Variants in CPSF1 observed in about 807,000 individuals in gnomAD.
The protein encoded by CPSF1 is cleavage and polyadenylation specific factor 1, also known as cleavage and polyadenylation specificity factor subunit 1.
In CPSF1, 106 loss-of-function variants were observed where a neutral mutation model predicts 175.8. The observed-to-expected ratio is 0.60, with a 90% CI of 0.52 to 0.71. The LOEUF is 0.71. Ranked by LOEUF, CPSF1 falls within the 30% of genes least tolerant of loss-of-function variation. CPSF1 has a pLI of 0.00. For synonymous variants in CPSF1, 1,024 were observed against 858.3 expected (o/e 1.19, Z -3.37); for missense variants, 1,734 against 2,022.9 (o/e 0.86, Z 2.74).
chr8:144,400,607 C>T, intron 7 of CPSF1, 64 bp downstream of exon 7: 2 of 1,595,254 alleles, frequency 1.3e-6, no homozygotes, highest in Non-Finnish European at 1.7e-6. Flanking sequence ...ACCCCATGGG[C>T]CCCACCCCAG....
chr8:144,400,135 G>GCCCCCCCCCCCCCCCCCCCC (rs1491238659), intron 9 of CPSF1, 31 bp downstream of exon 9: 230 of 896,322 alleles, frequency 2.6e-4, no homozygotes, highest in Non-Finnish European at 3.1e-4. Context: ...CCGTCCCCGG[G>GCCCCCCCCCCCCCCCCCCCC]CCCCCCCCGC....
rs1554863175 is a variant in CPSF1 at position 144,395,088 on chromosome 8, C to A, written c.3272+10G>T. The A allele has an allele frequency of 6.2e-7, 1 of 1,607,266 alleles. No homozygotes were observed. The highest frequency in any genetic ancestry group is 1.7e-4 in the Middle Eastern group (1 of 6,036). ...TTGGGCAGACCCCACCCCCGCCGGC[C>A]CAGCCTCACCTGGCATTGGGAATAG... On this transcript the variant is annotated intron_variant, in intron 29 of 37. Coordinates refer to ENST00000616140, the MANE Select transcript of CPSF1 (RefSeq NM_013291.3).
At position 144,393,695 on chromosome 8, in the gene CPSF1, G is replaced by A. The variant is rs2130746961; in HGVS notation, c.4117C>T (p.His1373Tyr). ...AAGGCGCGGGGGTTGAGGCCGGCGT[G>A]GTGTGGCAGCATGGTGGTCAGCGCG... Reference protein sequence around the residue: ...QNALTTMLPHHAGLNPRAFRM... With the variant: ...QNALTTMLPHYAGLNPRAFRM... The change falls in exon 36 of 38, where the codon CAC becomes TAC. Residue 1373 changes from histidine to tyrosine, a missense_variant. His to Tyr is a moderately conservative substitution (Grantham distance 83). Coordinates refer to ENST00000616140, the MANE Select transcript of CPSF1 (RefSeq NM_013291.3). The A allele has an allele frequency of 1.3e-6, 2 of 1,564,458 alleles. No individual in the cohort carries two copies. Among genetic ancestry groups the A allele is most frequent in the Non-Finnish European group, 1.7e-6 (2 of 1,161,810 alleles).
Position 144,394,720 on chromosome 8 carries a change from T to C in CPSF1, c.3491A>G (p.Tyr1164Cys). The C allele has an allele frequency of 6.2e-7, 1 of 1,613,460 alleles. No homozygotes were observed. Among genetic ancestry groups the C allele is most frequent in the Non-Finnish European group, 8.5e-7 (1 of 1,179,926 alleles). ...PLTKNKFKVLYEKEQKGPVTA... is the reference protein window; with the variant it reads ...PLTKNKFKVLCEKEQKGPVTA... ...CACGGGCCCCTTCTGCTCCTTCTCG[T>C]AAAGGACTTTGAACTTGTTCTTGGT... Residue 1164 changes from tyrosine to cysteine, a missense_variant, in exon 31 of 38, where the codon TAC becomes TGC. This residue lies in a region of CPSF1 where 62 missense variants were observed against 124.5 expected (regional missense o/e 0.50). Coordinates refer to ENST00000616140, the MANE Select transcript of CPSF1 (RefSeq NM_013291.3).
chr8:144,394,225 C>T lies in CPSF1; in HGVS notation c.3811+9G>A. 3 of 1,607,032 alleles carry T rather than the reference C, an allele frequency of 1.9e-6. No individual in the cohort carries two copies. Among genetic ancestry groups the T allele is most frequent in the Non-Finnish European group, 2.5e-6 (3 of 1,176,656 alleles). Reference sequence around the variant, plus strand: ...AGAGCCTCAGCTCCCCAGGGCCCTGCCCACATACCCAGAAAACCCAGCTGG... The same window carrying T: ...AGAGCCTCAGCTCCCCAGGGCCCTGTCCACATACCCAGAAAACCCAGCTGG... On this transcript the variant is annotated intron_variant, in intron 33 of 37. Coordinates refer to ENST00000616140, the MANE Select transcript of CPSF1 (RefSeq NM_013291.3).
Position 144,398,018 on chromosome 8 carries a change from A to G in CPSF1, c.2009T>C (p.Leu670Pro). 1 of 1,612,298 alleles carries G rather than the reference A, an allele frequency of 6.2e-7. No homozygotes were observed. The highest frequency in any genetic ancestry group is 8.5e-7 in the Non-Finnish European group (1 of 1,179,736). The stretch of plus-strand genomic sequence containing the variant: ...GCGGCCACCGTAGGAGTCACTCTTC[A>G]GCAGGAACATGGTGACGTGGCCCTC... Reference protein sequence around the residue: ...SAEGHVTMFLLKSDSYGGRHH... With the variant: ...SAEGHVTMFLPKSDSYGGRHH... Residue 670 changes from leucine (L) to proline (P), a missense_variant, in exon 20 of 38, where the codon CTG becomes CCG. By Grantham distance (98) the Leu-to-Pro change is moderately conservative. Around this residue, in one of 10 missense-constraint regions of CPSF1, gnomAD observed 280 missense variants for 349.2 expected, o/e 0.80. Coordinates refer to ENST00000616140, the MANE Select transcript of CPSF1 (RefSeq NM_013291.3).
intron 7 of CPSF1, 73 bp from the exon 8 acceptor site, chr8:144,400,566 G>T: frequency 6.2e-7 from 1 of 1,607,360 alleles, no homozygotes; most frequent in Non-Finnish European, 8.5e-7. Context: ...TCCCGAGCAA[G>T]CCCCACCACA....
Position 144,397,639 on chromosome 8 carries a change from C to T in CPSF1, c.2233G>A (p.Glu745Lys). ...ETSPTVDDEEEMLYGDSGSLF... is the reference protein window; with the variant it reads ...ETSPTVDDEEKMLYGDSGSLF... ...GAGCCCGAATCCCCATACAGCATCT[C>T]CTCCTCGTCATCCACTGTGGGGCTG... The change falls in exon 22 of 38, where the codon GAG (glutamate) becomes AAG (lysine). Residue 745 changes from glutamate to lysine, a missense_variant. Around this residue, in one of 10 missense-constraint regions of CPSF1, gnomAD observed 585 missense variants for 584.7 expected, o/e 1.00. Transcript: ENST00000616140. The T allele has an allele frequency of 1.3e-6, 2 of 1,532,948 alleles. No individual in the cohort carries two copies. Among genetic ancestry groups the T allele is most frequent in the Non-Finnish European group, 1.8e-6 (2 of 1,136,828 alleles). 95.0% of individuals were successfully genotyped at this position (1,532,948 alleles called of 1,614,324 possible). A position where few individuals can be genotyped will look rare whatever the true frequency, so the allele number is the denominator to read the frequency against.
Position 144,401,087 on chromosome 8 carries a change from G to A in CPSF1, c.388-12C>T, listed in dbSNP as rs1193803234. 2 of 1,605,144 alleles carry A rather than the reference G, an allele frequency of 1.2e-6. No individual in the cohort carries two copies. The highest frequency in any genetic ancestry group is 1.7e-6 in the Non-Finnish European group (2 of 1,175,192). ...TGCACAAACCCGTCCTGGGGGCAGA[G>A]GGGGCATCAGCCAGGCCCAGCATAG... On this transcript the variant is annotated splice_polypyrimidine_tract_variant and intron_variant, in intron 5 of 37. Coordinates refer to ENST00000616140, the MANE Select transcript of CPSF1 (RefSeq NM_013291.3).
At chr8:144,407,150 G>C (rs1008477890) in intron 2 of CPSF1, among the ~76,000 whole-genome samples, 1 of 151,750 alleles carries the variant, frequency 6.6e-6, no homozygotes, top group East Asian at 1.9e-4. Context: ...CATGACCTCA[G>C]GTGATCTACT....
chr8:144,403,563 T>A (rs1207863896), intron 2 of CPSF1, among the ~76,000 whole-genome samples: 1 of 151,774 alleles, frequency 6.6e-6, no homozygotes. Context: ...TTTATTTTTT[T>A]AAATTTTGAG....
In CPSF1 at chr8:144,394,628, G is replaced by A. The variant is rs1554862884; in HGVS notation, c.3567+16C>T. On this transcript the variant is annotated intron_variant, in intron 31 of 37. Coordinates refer to ENST00000616140, the MANE Select transcript of CPSF1 (RefSeq NM_013291.3). ...AGGGTGAGCCGGGGGACACACGCCG[G>A]GTGGGACTGGCACACCTTCTGGCCG... 1 of 1,603,288 alleles carries A rather than the reference G, an allele frequency of 6.2e-7. No individual in the cohort carries two copies.
chr8:144,396,744 G>T lies in CPSF1; in HGVS notation c.2683-3C>A, dbSNP rs782319214. 2.5e-6 allele frequency: 4 copies of T among 1,613,452 alleles called. No individual in the cohort carries two copies. The highest frequency in any genetic ancestry group is 1.7e-5 in the Admixed American group (1 of 59,988). On this transcript the variant is annotated splice_region_variant and splice_polypyrimidine_tract_variant and intron_variant, in intron 24 of 37. Coordinates refer to ENST00000616140, the MANE Select transcript of CPSF1 (RefSeq NM_013291.3). The stretch of plus-strand genomic sequence containing the variant: ...CGGAAGTTGATGTTGTGAGGGACCT[G>T]GGGGGGAACCATGCAGGTCCTCCAG...
chr8:144,395,367 T>A lies in CPSF1; in HGVS notation c.3097-12A>T. On this transcript the variant is annotated splice_polypyrimidine_tract_variant and intron_variant, in intron 27 of 37. Coordinates refer to ENST00000616140, the MANE Select transcript of CPSF1 (RefSeq NM_013291.3). ...GCCACAGCATACACCTGTGGGTTAG[T>A]GAGGGTCACACACCAGTGGCCCGGC... The A allele has an allele frequency of 3.1e-6, 5 of 1,607,156 alleles. No homozygotes were observed. Among genetic ancestry groups the A allele is most frequent in the Non-Finnish European group, 4.2e-6 (5 of 1,178,812 alleles).
At position 144,401,554 on chromosome 8, in the gene CPSF1, G is replaced by A. The variant is rs2116885658; in HGVS notation, c.182C>T (p.Ala61Val). The A allele has an allele frequency of 1.9e-6, 3 of 1,613,414 alleles. No individual in the cohort carries two copies. The South Asian group carries it at 3.3e-5, about 18-fold the overall frequency. ...AGCAAGCTCGAGCTTCTCCCGGTGG[G>A]CCTTCCCCTCTAGGGGAGACACCAG... is the stretch of plus-strand genomic sequence containing the variant. ...TKNDRSTEGK[A>V]HREKLELAAS... is the part of the protein sequence containing the mutation. Residue 61 changes from alanine to valine, a missense_variant, in exon 4 of 38, where the codon GCC (alanine) becomes GTC (valine). This residue lies in a region of CPSF1 where 126 missense variants were observed against 117.9 expected (regional missense o/e 1.07). Coordinates refer to ENST00000616140, the MANE Select transcript of CPSF1 (RefSeq NM_013291.3).
chr8:144,399,874 GGC>G lies in CPSF1; in HGVS notation c.1032-8_1032-7del. ...TGATGAGGGTCAGCACGTAGCTGGG[GGC>G]AGGGAGAATTCTGAGTCGGGGATGG... On this transcript the variant is annotated splice_polypyrimidine_tract_variant and splice_region_variant and intron_variant, in intron 10 of 37. Transcript: ENST00000616140. This position sits in a 1 kb window ranked among gnomAD's most constrained non-coding sequence, Gnocchi z 6.4. 1.3e-6 allele frequency: 2 copies of G among 1,555,382 alleles called. No individual in the cohort carries two copies. The highest frequency in any genetic ancestry group is 1.7e-6 in the Non-Finnish European group (2 of 1,149,740).
At position 144,394,152 on chromosome 8, in the gene CPSF1, G is replaced by C. The variant is rs782448023; in HGVS notation, c.3820C>G (p.Arg1274Gly). The part of the protein sequence containing the change: ...NAQLGFLVSD[R>G]DRNLMVYMYL... The stretch of plus-strand genomic sequence containing the variant: ...ATGTACACCATGAGGTTGCGGTCGC[G>C]GTCAGACACTGGGGAGCAGAGGCCC... Residue 1274 changes from arginine (R) to glycine (G), a missense_variant, in exon 34 of 38, where the codon CGC (arginine) becomes GGC (glycine). This residue lies in a region of CPSF1 where 323 missense variants were observed against 338.5 expected (regional missense o/e 0.95). Coordinates refer to ENST00000616140, the MANE Select transcript of CPSF1 (RefSeq NM_013291.3). 3 of 1,612,826 alleles carry C rather than the reference G, an allele frequency of 1.9e-6. No individual in the cohort carries two copies. The highest frequency in any genetic ancestry group is 1.1e-5 in the South Asian group (1 of 91,054).
chr8:144,400,135 G>GGGGCCCCCCCCCCCCCCCCCCCCCC, intron 9 of CPSF1, 31 bp downstream of exon 9: 18 of 895,982 alleles, frequency 2.0e-5, no homozygotes, highest in Middle Eastern at 3.7e-4. Context: ...CCGTCCCCGG[G>GGGGCCCCCCCCCCCCCCCCCCCCCC]CCCCCCCCGC....
intron 26 of CPSF1, 66 bp from the exon 27 acceptor site, chr8:144,395,617 G>T: frequency 7.4e-7 from 1 of 1,348,232 alleles, no homozygotes; most frequent in Non-Finnish European, 1.0e-6. Flanking sequence ...GCAGGCCCAG[G>T]CCGCCAAGAG....
Sources: allele counts gnomAD v4.1 joint callset (sites outside exome capture counted in the v4.1 genomes callset), GRCh38; gene constraint gnomAD v4.1.1; regional missense constraint gnomAD v4.1.1; non-coding constraint Gnocchi (gnomAD v3.1); transcripts MANE v1.5; gene names NCBI Gene and HGNC (gene_info 2026-07-23, HGNC 2026-07-21).